TCP11L1: variants seen among roughly 807,000 people sequenced by gnomAD.
TCP11L1 encodes t-complex 11 like 1.
Under a neutral mutation model 48.9 loss-of-function variants are expected in TCP11L1, and 28 were observed. The ratio of observed to expected loss-of-function variants is 0.57; its 90% CI spans 0.42 to 0.78. The LOEUF is 0.78. Among genes scored for constraint, TCP11L1 ranks in the 30% least tolerant of loss-of-function variants. The pLI is 0.00. For synonymous variants in TCP11L1, 204 were observed against 231.9 expected, an observed-to-expected ratio of 0.88 and a Z score of 1.09; for missense variants, 505 against 613.4, an observed-to-expected ratio of 0.82 and a Z score of 1.87.
At chr11:33,070,554 G>GCACCAC (rs1854753028) in intron 9 of TCP11L1, among the ~76,000 whole-genome samples, 1 of 151,576 alleles carries the variant, frequency 6.6e-6, no homozygotes, top group Non-Finnish European at 1.5e-5. Context: ...GCATGGTGGT[G>GCACCAC]CATGCCTGTG....
At chr11:33,052,755 C>A (rs1020130971) in intron 2 of TCP11L1, among the ~76,000 whole-genome samples, 13 of 152,128 alleles carry the variant, frequency 8.5e-5, no homozygotes, top group Non-Finnish European at 2.9e-5. Flanking sequence ...TTTTGGGAGG[C>A]TGAGGCAGGC....
chr11:33,072,922 C>A lies in TCP11L1; in HGVS notation c.*246C>A. Reference sequence around the variant, plus strand: ...AGAAGCATTTTGTTCTCGAGTTTTACAGGTAACACTCAGCTGTTGTCTCCA... The same window carrying A: ...AGAAGCATTTTGTTCTCGAGTTTTAAAGGTAACACTCAGCTGTTGTCTCCA... On this transcript the variant is annotated 3_prime_UTR_variant, in exon 10 of 10. Transcript: ENST00000334274. 1 of 499,872 alleles carries A rather than the reference C, an allele frequency of 2.0e-6. No individual in the cohort carries two copies. The highest frequency in any genetic ancestry group is 3.8e-5 in the East Asian group (1 of 26,348). 31.0% of individuals were successfully genotyped at this position (499,872 alleles called of 1,614,324 possible). A position where few individuals can be genotyped will look rare whatever the true frequency, so the allele number is the denominator to read the frequency against.
chr11:33,050,770 C>G (rs760931613), intron 2 of TCP11L1, among the ~76,000 whole-genome samples: 2 of 151,752 alleles, frequency 1.3e-5, no homozygotes, highest in Non-Finnish European at 2.9e-5. Context: ...TGTATCCTAT[C>G]TAAGAAATCT....
chr11:33,054,817 A>C (rs947588761), intron 3 of TCP11L1, 92 bp downstream of exon 3: 1 of 1,397,818 alleles, frequency 7.2e-7, no homozygotes, highest in East Asian at 2.6e-5. Context: ...ATATATTCAA[A>C]CGTATTTTTC....
At chr11:33,065,690 C>A in intron 7 of TCP11L1, 140 bp from the exon 8 acceptor site, 1 of 925,504 alleles carries the variant, frequency 1.1e-6, no homozygotes, top group Non-Finnish European at 1.6e-6. Flanking sequence ...TATTTCACAC[C>A]AGACTCCCTC....
At chr11:33,069,371 T>A (rs924865911) in intron 9 of TCP11L1, among the ~76,000 whole-genome samples, 4 of 151,564 alleles carry the variant, frequency 2.6e-5, no homozygotes, top group African/African-American at 4.8e-5. Flanking sequence ...TATAATAACT[T>A]AAAATGGTAA....
intron 2 of TCP11L1, among the ~76,000 whole-genome samples, chr11:33,045,580 T>C (rs1853967051): frequency 6.6e-6 from 1 of 152,170 alleles, no homozygotes; most frequent in African/African-American, 2.4e-5. Context: ...TAGATGTATA[T>C]GGCTAACATG....
Position 33,065,931 on chromosome 11 carries a change from G to A in TCP11L1, c.1074G>A (p.Ala358=), listed in dbSNP as rs554321173. 10 of 1,614,192 alleles carry A rather than the reference G, an allele frequency of 6.2e-6. No homozygotes were observed. Among genetic ancestry groups the A allele is most frequent in the African/African-American group, 4.0e-5 (3 of 75,050 alleles). The change falls in exon 8 of 10, where the codon GCG becomes GCA. Residue 358 remains alanine, a synonymous_variant. Transcript: ENST00000334274. ...AVLLVTFSMA[A]PGISSQADFA... The stretch of plus-strand genomic sequence containing the variant: ...TGCTGGTCACCTTCAGCATGGCAGC[G>A]CCAGGAATTTCCAGCCAGGCCGACT...
At chr11:33,069,770 T>A (rs1006122352) in intron 9 of TCP11L1, among the ~76,000 whole-genome samples, 2 of 152,238 alleles carry the variant, frequency 1.3e-5, no homozygotes, top group South Asian at 4.1e-4. Context: ...CACACCCAGC[T>A]AATTTTTTGT....
At chr11:33,059,213 C>T (rs1208458940) in intron 6 of TCP11L1, 118 bp downstream of exon 6, 8 of 1,359,732 alleles carry the variant, frequency 5.9e-6, no homozygotes, top group Non-Finnish European at 7.0e-6. Context: ...GGAGAATAGT[C>T]TAATTTGAAG....
At chr11:33,066,609 A>G (rs1050553932) in intron 8 of TCP11L1, among the ~76,000 whole-genome samples, 2 of 152,068 alleles carry the variant, frequency 1.3e-5, no homozygotes, top group Admixed American at 6.6e-5. Flanking sequence ...GTTGAGTGCC[A>G]TCAACTCATT....
chr11:33,067,383 A>G lies in TCP11L1; in HGVS notation c.1155-1304A>G, dbSNP rs187167702. Among the ~76,000 whole-genome samples the G allele has an allele frequency of 1.5e-3, 225 of 152,314 alleles. 2 individuals are homozygous for G. Among genetic ancestry groups the G allele is most frequent in the African/African-American group, 5.1e-3 (213 of 41,566 alleles). On this transcript the variant is annotated intron_variant, in intron 8 of 9. Coordinates refer to ENST00000334274, the MANE Select transcript of TCP11L1 (RefSeq NM_018393.4). Reference sequence around the variant, plus strand: ...CAAAATGGAGGAATTTTACTGCTGAATTTTCACAAAGCATGGCTGTGTTCA... The same window carrying G: ...CAAAATGGAGGAATTTTACTGCTGAGTTTTCACAAAGCATGGCTGTGTTCA...
rs1371186678 is a variant in TCP11L1 at position 33,044,315 on chromosome 11, A to AT, written c.163+379_163+380insT. On this transcript the variant is annotated intron_variant, in intron 2 of 9. Coordinates refer to ENST00000334274, the MANE Select transcript of TCP11L1 (RefSeq NM_018393.4). ...CTTGTGCAGGTTAAAAAAAAATGTG[A>AT]GTAAGTTCACCACACCCTAATTCTC... Among the ~76,000 whole-genome samples the AT allele has an allele frequency of 3.1e-5, 4 of 129,844 alleles. No homozygotes were observed. In the East Asian group the frequency reaches 1.1e-3, roughly 36 times the overall value. 85.2% of individuals were successfully genotyped at this position (129,844 alleles called of 152,430 possible).
intron 2 of TCP11L1, among the ~76,000 whole-genome samples, chr11:33,048,702 T>C (rs1854069289): frequency 1.3e-5 from 2 of 152,204 alleles, no homozygotes; most frequent in Admixed American, 1.3e-4. Flanking sequence ...TTTTTCCAAG[T>C]ATGCCCAAAA....
At position 33,072,715 on chromosome 11, in the gene TCP11L1, C is replaced by T; in HGVS notation, c.*39C>T. 6.2e-7 allele frequency: 1 copy of T among 1,606,504 alleles called. No homozygotes were observed. The highest frequency in any genetic ancestry group is 1.1e-5 in the South Asian group (1 of 90,844). Reference sequence around the variant, plus strand: ...TACAGCAGCAGTATTACTCACTAGCCACAGAATACCTGTTCTGTACTCTAA... The same window carrying T: ...TACAGCAGCAGTATTACTCACTAGCTACAGAATACCTGTTCTGTACTCTAA... On this transcript the variant is annotated 3_prime_UTR_variant, in exon 10 of 10. Coordinates refer to ENST00000334274, the MANE Select transcript of TCP11L1 (RefSeq NM_018393.4).
intron 7 of TCP11L1, among the ~76,000 whole-genome samples, chr11:33,064,860 G>A (rs1854568309): frequency 6.6e-6 from 1 of 152,152 alleles, no homozygotes; most frequent in Non-Finnish European, 1.5e-5. Context: ...AGGCATAATC[G>A]TAGTGCACTG....
At chr11:33,045,398 C>T (rs184439762) in intron 2 of TCP11L1, among the ~76,000 whole-genome samples, 1 of 151,372 alleles carries the variant, frequency 6.6e-6, no homozygotes, top group Admixed American at 6.6e-5. Context: ...TGGTTGTAGT[C>T]CCAGCTACTT....
chr11:33,056,963 C>A, intron 3 of TCP11L1, 152 bp from the exon 4 acceptor site: 1 of 1,049,264 alleles, frequency 9.5e-7, no homozygotes, highest in South Asian at 1.6e-5. Flanking sequence ...TAAAGTATGC[C>A]CTCAGTTGAA....
At chr11:33,062,861 G>A (rs1590237080) in intron 7 of TCP11L1, among the ~76,000 whole-genome samples, 1 of 152,144 alleles carries the variant, frequency 6.6e-6, no homozygotes, top group East Asian at 1.9e-4. Flanking sequence ...CCCTTTCTGG[G>A]TTTTTTAAAA....
Sources: allele counts gnomAD v4.1 joint callset (sites outside exome capture counted in the v4.1 genomes callset), GRCh38; gene constraint gnomAD v4.1.1; transcripts MANE v1.5; gene names NCBI Gene and HGNC (gene_info 2026-07-23, HGNC 2026-07-21).